Variants in IL1RAPL1 observed in about 807,000 individuals in gnomAD.
The protein encoded by IL1RAPL1 is interleukin 1 receptor accessory protein like 1.
In IL1RAPL1, 3 loss-of-function variants were observed where a neutral mutation model predicts 48.4. The observed-to-expected ratio is 0.06, with a 90% confidence interval of 0.03 to 0.16. The LOEUF is 0.16. IL1RAPL1 is among the 10% of genes least tolerant of loss of function. The pLI, the probability that IL1RAPL1 is intolerant of heterozygous loss-of-function variation, is 1.00. For synonymous variants in IL1RAPL1, 185 were observed against 187.7 expected, an observed-to-expected ratio of 0.99 and a Z score of 0.12; for missense variants, 349 against 530.6, an observed-to-expected ratio of 0.66 and a Z score of 3.36.
At chrX:29,402,473 C>G (rs1181400663) in intron 5 of IL1RAPL1, among the ~76,000 whole-genome samples, 1 of 111,941 alleles carries the variant, frequency 8.9e-6, no homozygotes, top group Non-Finnish European at 1.9e-5. Context: ...GAGTCAAGGG[C>G]AATGTCTTTT....
At chrX:29,175,073 C>CAAAA (rs3065738) in intron 2 of IL1RAPL1, among the ~76,000 whole-genome samples, 1 of 61,555 alleles carries the variant, frequency 1.6e-5, no homozygotes, top group Non-Finnish European at 3.0e-5. Context: ...GACTCCGTCT[C>CAAAA]AAAAAAAAAA....
chrX:28,769,455 T>C, intron 1 of IL1RAPL1, among the ~76,000 whole-genome samples: 1 of 111,149 alleles, frequency 9.0e-6, no homozygotes, highest in South Asian at 3.8e-4. Flanking sequence ...ATGGAAGGGA[T>C]TGAATTGTTG....
chrX:29,168,877 T>A (rs1228100516), intron 2 of IL1RAPL1, among the ~76,000 whole-genome samples: 1 of 85,426 alleles, frequency 1.2e-5, no homozygotes, highest in East Asian at 3.5e-4. Context: ...ATATGTACAA[T>A]TGTATATATA....
chrX:29,326,985 A>T (rs142165116), intron 3 of IL1RAPL1, among the ~76,000 whole-genome samples: 3 of 112,023 alleles, frequency 2.7e-5, no homozygotes, highest in African/African-American at 9.8e-5. Context: ...AGAAGGTTGT[A>T]TGTAATCTGA....
chrX:29,538,856 G>A (rs12835406), intron 5 of IL1RAPL1, among the ~76,000 whole-genome samples: 7,670 of 110,804 alleles, frequency 0.069, 294 homozygotes, highest in South Asian at 0.3. Flanking sequence ...TAGGTCACTC[G>A]GGGATGAAGT....
chrX:29,177,760 A>G (rs1465648757), intron 2 of IL1RAPL1, among the ~76,000 whole-genome samples: 1 of 110,521 alleles, frequency 9.0e-6, no homozygotes, highest in Non-Finnish European at 1.9e-5. Context: ...CGACCCCATG[A>G]CAGGCCCGGT....
At chrX:28,799,000 TC>T (rs1936644749) in intron 2 of IL1RAPL1, among the ~76,000 whole-genome samples, 1 of 111,941 alleles carries the variant, frequency 8.9e-6, no homozygotes, top group Non-Finnish European at 1.9e-5. Flanking sequence ...GCGTCTGTGT[TC>T]CTTTCAACAA....
intron 5 of IL1RAPL1, among the ~76,000 whole-genome samples, chrX:29,546,885 A>C (rs1022745964): frequency 2.2e-4 from 25 of 111,938 alleles, no homozygotes; most frequent in African/African-American, 7.8e-4. Context: ...TATATCATTC[A>C]TCTAGCTATA....
At chrX:28,826,322 C>T (rs1343369549) in intron 2 of IL1RAPL1, among the ~76,000 whole-genome samples, 2 of 111,445 alleles carry the variant, frequency 1.8e-5, no homozygotes, top group Admixed American at 1.9e-4. Flanking sequence ...TCTGTATTCT[C>T]ATGTAGCTTA....
chrX:28,822,582 A>G (rs1211922831), intron 2 of IL1RAPL1, among the ~76,000 whole-genome samples: 1 of 111,702 alleles, frequency 9.0e-6, no homozygotes, highest in East Asian at 2.8e-4. Flanking sequence ...TCCTTGGTCA[A>G]GCTTTTCTGT....
At chrX:28,862,039 AT>A (rs1921958857) in intron 2 of IL1RAPL1, among the ~76,000 whole-genome samples, 2 of 111,486 alleles carry the variant, frequency 1.8e-5, no homozygotes, top group Admixed American at 9.6e-5. Context: ...TTTTTTGATG[AT>A]TTTGAAATAT....
intron 1 of IL1RAPL1, among the ~76,000 whole-genome samples, chrX:28,634,655 C>G (rs1934444027): frequency 9.1e-6 from 1 of 110,229 alleles, no homozygotes; most frequent in Non-Finnish European, 1.9e-5. Flanking sequence ...TTTTGTGTCA[C>G]AATGATTCTA....
intron 2 of IL1RAPL1, among the ~76,000 whole-genome samples, chrX:28,902,286 C>T (rs1923097472): frequency 9.0e-6 from 1 of 111,175 alleles, no homozygotes; most frequent in South Asian, 3.8e-4. Context: ...ATCTTCCTAC[C>T]TCAGCCTCCC....
intron 5 of IL1RAPL1, among the ~76,000 whole-genome samples, chrX:29,554,760 T>A (rs1921935772): frequency 9.0e-6 from 1 of 111,394 alleles, no homozygotes; most frequent in South Asian, 3.8e-4. Context: ...CCTTAAGCTT[T>A]CTTCAAAAAT....
intron 2 of IL1RAPL1, among the ~76,000 whole-genome samples, chrX:28,821,108 T>G (rs1193219386): frequency 4.5e-5 from 5 of 111,600 alleles, no homozygotes; most frequent in Non-Finnish European, 9.4e-5. Flanking sequence ...AGCCAATGCC[T>G]GCATTTTTAA....
chrX:29,196,192 G>A (rs1342680416), intron 2 of IL1RAPL1, among the ~76,000 whole-genome samples: 1 of 111,912 alleles, frequency 8.9e-6, no homozygotes, highest in Non-Finnish European at 1.9e-5. Flanking sequence ...AGAATATTAA[G>A]GGCTGAATAA....
intron 5 of IL1RAPL1, among the ~76,000 whole-genome samples, chrX:29,655,307 G>A (rs191992639): frequency 4.5e-5 from 5 of 111,810 alleles, no homozygotes; most frequent in African/African-American, 1.3e-4. Context: ...CCACAGCATT[G>A]CTCATAATCA....
intron 6 of IL1RAPL1, among the ~76,000 whole-genome samples, chrX:29,720,921 C>A (rs954621699): frequency 1.8e-5 from 2 of 112,107 alleles, no homozygotes; most frequent in Middle Eastern, 4.2e-3. Flanking sequence ...AGAAAACTAG[C>A]ATAGTTCAAG....
intron 6 of IL1RAPL1, among the ~76,000 whole-genome samples, chrX:29,823,665 T>C (rs1453274285): frequency 8.9e-6 from 1 of 112,379 alleles, no homozygotes; most frequent in Non-Finnish European, 1.9e-5. Context: ...AAGTACATTT[T>C]AGCTTTCTGA....
Sources: gnomAD v4.1 joint callset for allele counts (sites outside exome capture counted in the v4.1 genomes callset) on GRCh38, gnomAD v4.1.1 for gene constraint, MANE v1.5 for transcripts, NCBI Gene and HGNC (gene_info 2026-07-23, HGNC 2026-07-21) for gene names.